ARHGAP26: variants seen among roughly 807,000 people sequenced by gnomAD.
ARHGAP26 encodes the protein Rho GTPase activating protein 26.
A neutral mutation model predicts 104.8 loss-of-function variants in ARHGAP26; 38 were observed. The ratio of observed to expected loss-of-function variants is 0.36; its 90% CI spans 0.28 to 0.48. ARHGAP26 has a LOEUF of 0.48. ARHGAP26 is among the 20% of genes least tolerant of loss of function. The pLI, the probability that ARHGAP26 is intolerant of heterozygous loss-of-function variation, is 0.99. For synonymous variants in ARHGAP26, 341 were observed against 340.0 expected, an observed-to-expected ratio of 1.00 and a Z score of -0.03; for missense variants, 704 against 947.9, an observed-to-expected ratio of 0.74 and a Z score of 3.38.
At chr5:143,125,317 G>A (rs1345796699) in intron 18 of ARHGAP26, among the ~76,000 whole-genome samples, 3 of 151,984 alleles carry the variant, frequency 2.0e-5, no homozygotes, top group African/African-American at 7.3e-5. Context: ...CCTTTATTTT[G>A]TCACTCACAC....
At chr5:142,824,132 G>A (rs953475761) in intron 1 of ARHGAP26, among the ~76,000 whole-genome samples, 3 of 152,116 alleles carry the variant, frequency 2.0e-5, no homozygotes, top group African/African-American at 4.8e-5. Context: ...TCAGTATGTT[G>A]TGTGTATGTG....
chr5:143,212,055 A>C (rs574795156), intron 21 of ARHGAP26, among the ~76,000 whole-genome samples: 1 of 152,250 alleles, frequency 6.6e-6, no homozygotes, highest in African/African-American at 2.4e-5. Flanking sequence ...AGGTTAATAA[A>C]TAATGTTTGT....
intron 20 of ARHGAP26, among the ~76,000 whole-genome samples, chr5:143,163,362 C>T (rs1801503171): frequency 6.6e-6 from 1 of 152,158 alleles, no homozygotes; most frequent in African/African-American, 2.4e-5. Flanking sequence ...TTTTCTAGAT[C>T]TGCCTTGAAG....
chr5:142,842,791 G>A (rs888688342), intron 1 of ARHGAP26, among the ~76,000 whole-genome samples: 7 of 152,182 alleles, frequency 4.6e-5, no homozygotes, highest in African/African-American at 1.4e-4. Flanking sequence ...GGTAATATAT[G>A]CAATAGGCTT....
chr5:142,907,890 G>A, intron 9 of ARHGAP26, 86 bp downstream of exon 9: 1 of 785,450 alleles, frequency 1.3e-6, no homozygotes, highest in Non-Finnish European at 1.9e-6. Flanking sequence ...CACCTCCAGT[G>A]TTATATTTAT....
intron 16 of ARHGAP26, 145 bp from the exon 17 acceptor site, chr5:143,057,497 G>A (rs977681013): frequency 1.2e-5 from 8 of 653,628 alleles, no homozygotes; most frequent in Non-Finnish European, 2.1e-5. Flanking sequence ...TGCTGGCCAC[G>A]CAGTATGCAC....
intron 20 of ARHGAP26, among the ~76,000 whole-genome samples, chr5:143,147,859 A>G (rs1046925205): frequency 6.6e-6 from 1 of 152,186 alleles, no homozygotes; most frequent in Non-Finnish European, 1.5e-5. Flanking sequence ...CACATCCTCA[A>G]ACCTTAGCAT....
At chr5:142,804,692 A>G (rs1762659732) in intron 1 of ARHGAP26, among the ~76,000 whole-genome samples, 1 of 152,068 alleles carries the variant, frequency 6.6e-6, no homozygotes, top group African/African-American at 2.4e-5. Flanking sequence ...GGGTTTCACC[A>G]TGTTGCCTAG....
chr5:142,803,781 G>C (rs968788637), intron 1 of ARHGAP26, among the ~76,000 whole-genome samples: 4 of 152,150 alleles, frequency 2.6e-5, no homozygotes, highest in Non-Finnish European at 4.4e-5. Context: ...ATCTGTGGAG[G>C]AGTCCAGCAG....
rs548590360 is a variant in ARHGAP26 at position 142,820,846 on chromosome 5, G to A, written c.154+49931G>A. Among the ~76,000 whole-genome samples, 6 of 152,310 alleles carry A rather than the reference G, an allele frequency of 3.9e-5. No homozygotes were observed. The South Asian group carries it at 1.2e-3, about 32-fold the overall frequency. ...TTTTCCCGGAACATTATGAAGTGGA[G>A]TCTATTCTTGATTGCATTTCATAGA... On this transcript the variant is annotated intron_variant, in intron 1 of 22. Transcript: ENST00000645722.
In ARHGAP26 at chr5:143,147,287, A is replaced by G; in HGVS notation, c.1894A>G (p.Asn632Asp). 1 of 1,614,112 alleles carries G rather than the reference A, an allele frequency of 6.2e-7. No homozygotes were observed. Among genetic ancestry groups the G allele is most frequent in the Non-Finnish European group, 8.5e-7 (1 of 1,179,970 alleles). The change falls in exon 20 of 23, where the codon AAC becomes GAC. Residue 632 changes from asparagine (N) to aspartate (D), a missense_variant. By Grantham distance (23) the Asn-to-Asp change is conservative. Coordinates refer to ENST00000645722, the MANE Select transcript of ARHGAP26 (RefSeq NM_001135608.3). ...TTTGGAATCTGTCTCATCAAATCCA[A>G]ACAGCATCCTTAATTCCAGCAGCAG... The part of the protein sequence containing the change: ...SSLESVSSNP[N>D]SILNSSSSLQ...
intron 11 of ARHGAP26, among the ~76,000 whole-genome samples, chr5:142,976,599 A>C (rs1598453140): frequency 6.6e-6 from 1 of 152,248 alleles, no homozygotes; most frequent in Non-Finnish European, 1.5e-5. Flanking sequence ...CACCTAAGTA[A>C]GACTGTGTAT....
intron 10 of ARHGAP26, chr5:142,922,212 T>A (rs1763289258): frequency 6.6e-6 from 1 of 152,224 alleles, no homozygotes; most frequent in Admixed American, 6.5e-5. Context: ...TCTTCTAGCT[T>A]GCTAAGAGGT....
intron 17 of ARHGAP26, among the ~76,000 whole-genome samples, chr5:143,086,918 C>G (rs569797472): frequency 3.8e-4 from 58 of 152,344 alleles, no homozygotes; most frequent in African/African-American, 1.3e-3. Flanking sequence ...CCGCCTACCC[C>G]CTACCTCCAC....
intron 14 of ARHGAP26, among the ~76,000 whole-genome samples, chr5:143,047,460 A>G (rs546897791): frequency 2.6e-5 from 4 of 152,154 alleles, no homozygotes; most frequent in Non-Finnish European, 5.9e-5. Context: ...TATAATTTTT[A>G]TATGCATCTC....
intron 11 of ARHGAP26, among the ~76,000 whole-genome samples, chr5:142,955,809 A>C (rs1450689549): frequency 6.6e-6 from 1 of 152,226 alleles, no homozygotes; most frequent in Non-Finnish European, 1.5e-5. Flanking sequence ...CTCTTTGGCC[A>C]GGGTGCATCT....
chr5:142,860,807 G>A (rs1753185391), intron 1 of ARHGAP26, among the ~76,000 whole-genome samples: 1 of 152,196 alleles, frequency 6.6e-6, no homozygotes, highest in Non-Finnish European at 1.5e-5. Flanking sequence ...GCTCTGTGGA[G>A]CTCCACCTTT....
At chr5:143,012,548 C>CATATATATATATATATTTAT (rs1414408846) in intron 11 of ARHGAP26, among the ~76,000 whole-genome samples, 3 of 23,336 alleles carry the variant, frequency 1.3e-4, no homozygotes, top group Non-Finnish European at 2.1e-4. Flanking sequence ...TATATACATA[C>CATATATATATATATATTTAT]ATACATATAT....
chr5:142,837,181 T>C (rs1433450568), intron 1 of ARHGAP26, among the ~76,000 whole-genome samples: 1 of 152,204 alleles, frequency 6.6e-6, no homozygotes, highest in Middle Eastern at 3.2e-3. Flanking sequence ...CAAGAAGGCC[T>C]GGGATTAGGT....
Sources: allele counts gnomAD v4.1 joint callset (sites outside exome capture counted in the v4.1 genomes callset), GRCh38; gene constraint gnomAD v4.1.1; transcripts MANE v1.5; gene names NCBI Gene and HGNC (gene_info 2026-07-23, HGNC 2026-07-21).